Variants in ARSB observed in about 807,000 individuals in gnomAD.
ARSB encodes N-acetylgalactosamine-4-sulfatase.
In ARSB, 41 loss-of-function variants were observed where a neutral mutation model predicts 50.9. The observed-to-expected ratio is 0.81, with a 90% confidence interval of 0.63 to 1.04. The LOEUF is 1.04. Ranked by LOEUF, ARSB falls within the 50% of genes least tolerant of loss-of-function variation. The probability of loss-of-function intolerance (pLI) is 0.00; values close to 1 mark genes in which losing one functional copy is unlikely to be tolerated. For missense variants in ARSB, 672 were observed against 693.3 expected, an observed-to-expected ratio of 0.97 and a Z score of 0.35; for synonymous variants, 269 against 284.8, an observed-to-expected ratio of 0.94 and a Z score of 0.56.
At chr5:78,863,787 T>A (rs922631355) in intron 5 of ARSB, among the ~76,000 whole-genome samples, 1 of 151,998 alleles carries the variant, frequency 6.6e-6, no homozygotes, top group Non-Finnish European at 1.5e-5. Context: ...AGTCACTTCA[T>A]AGTCTTTGCA....
intron 5 of ARSB, among the ~76,000 whole-genome samples, chr5:78,866,810 C>T (rs1163554258): frequency 6.6e-6 from 1 of 151,860 alleles, no homozygotes; most frequent in East Asian, 1.9e-4. Flanking sequence ...AAGAAAGGGG[C>T]TGAGCCAAGA....
At chr5:78,939,477 C>T (rs1362009829) in intron 4 of ARSB, among the ~76,000 whole-genome samples, 1 of 152,092 alleles carries the variant, frequency 6.6e-6, no homozygotes, top group African/African-American at 2.4e-5. Flanking sequence ...GTTTCCCTTC[C>T]TGTGTCCATG....
intron 4 of ARSB, among the ~76,000 whole-genome samples, chr5:78,908,273 C>T (rs537411488): frequency 3.3e-5 from 5 of 152,230 alleles, no homozygotes; most frequent in African/African-American, 1.2e-4. Flanking sequence ...TCCTCTGACC[C>T]CCCTCCCCCG....
At chr5:78,844,829 T>A (rs534095466) in intron 5 of ARSB, among the ~76,000 whole-genome samples, 1 of 152,282 alleles carries the variant, frequency 6.6e-6, no homozygotes, top group Admixed American at 6.5e-5. Context: ...TAATGATAAG[T>A]CAGTGTAATT....
At chr5:78,785,078 G>A (rs148880628) in intron 6 of ARSB, among the ~76,000 whole-genome samples, 1,850 of 152,250 alleles carry the variant, frequency 0.012, 37 homozygotes, top group African/African-American at 0.033. Context: ...GATTACAGGC[G>A]TGAGTCACCG....
At chr5:78,919,483 T>A (rs1749703631) in intron 4 of ARSB, among the ~76,000 whole-genome samples, 1 of 151,812 alleles carries the variant, frequency 6.6e-6, no homozygotes, top group Admixed American at 6.6e-5. Context: ...ATTCATTTAT[T>A]CATTTATTTA....
intron 4 of ARSB, among the ~76,000 whole-genome samples, chr5:78,902,295 A>ATT (rs1235847079): frequency 8.5e-5 from 13 of 152,376 alleles, no homozygotes; most frequent in African/African-American, 2.9e-4. Context: ...GGTTTCCAAC[A>ATT]CATGAACTTT....
At chr5:78,977,811 T>C (rs577824240) in intron 1 of ARSB, among the ~76,000 whole-genome samples, 1 of 152,142 alleles carries the variant, frequency 6.6e-6, no homozygotes, top group Non-Finnish European at 1.5e-5. Flanking sequence ...TAAAAAACTC[T>C]AAAGATTATA....
intron 6 of ARSB, among the ~76,000 whole-genome samples, chr5:78,785,900 T>A (rs1279750303): frequency 6.6e-6 from 1 of 152,226 alleles, no homozygotes; most frequent in African/African-American, 2.4e-5. Context: ...GAGATGTGGC[T>A]GCAGAAGAAG....
At chr5:78,785,334 G>A (rs1749048398) in intron 6 of ARSB, among the ~76,000 whole-genome samples, 1 of 152,146 alleles carries the variant, frequency 6.6e-6, no homozygotes, top group Non-Finnish European at 1.5e-5. Context: ...GTAGTCTGAA[G>A]TTGTTGGGCT....
chr5:78,968,942 G>C, intron 2 of ARSB, 64 bp downstream of exon 2: 1 of 1,549,944 alleles, frequency 6.5e-7, no homozygotes, highest in South Asian at 1.1e-5. Flanking sequence ...TTGCACTTGG[G>C]TGTGTTTTAT....
At chr5:78,825,781 A>T (rs969031208) in intron 6 of ARSB, among the ~76,000 whole-genome samples, 1 of 152,194 alleles carries the variant, frequency 6.6e-6, no homozygotes, top group African/African-American at 2.4e-5. Flanking sequence ...TTACAAAATG[A>T]TGTAAAAGAA....
At chr5:78,790,670 T>C (rs1310969836) in intron 6 of ARSB, among the ~76,000 whole-genome samples, 3 of 152,224 alleles carry the variant, frequency 2.0e-5, no homozygotes, top group Non-Finnish European at 4.4e-5. Flanking sequence ...ATGAAACAGA[T>C]ATTAACATCT....
At chr5:78,790,223 A>C (rs937151178) in intron 6 of ARSB, among the ~76,000 whole-genome samples, 1 of 152,204 alleles carries the variant, frequency 6.6e-6, no homozygotes, top group Non-Finnish European at 1.5e-5. Flanking sequence ...CATAGTACAC[A>C]GTAGCATAGA....
intron 6 of ARSB, among the ~76,000 whole-genome samples, chr5:78,833,213 G>T (rs1224913998): frequency 2.0e-5 from 3 of 151,986 alleles, no homozygotes; most frequent in Non-Finnish European, 2.9e-5. Context: ...GCCTACCCTG[G>T]GATTATGGCT....
intron 5 of ARSB, among the ~76,000 whole-genome samples, chr5:78,851,425 C>G (rs193275493): frequency 6.6e-6 from 1 of 152,068 alleles, no homozygotes. Context: ...GTCTGAGAGA[C>G]AGTTTGTTAT....
In ARSB at chr5:78,779,758, G is replaced by A. The variant is rs1748871584; in HGVS notation, c.*639C>T. 1 of 154,154 alleles carries A rather than the reference G, an allele frequency of 6.5e-6. No homozygotes were observed. Among genetic ancestry groups the A allele is most frequent in the Non-Finnish European group, 1.4e-5 (1 of 69,524 alleles). 9.5% of individuals were successfully genotyped at this position (154,154 alleles called of 1,614,324 possible). On this transcript the variant is annotated 3_prime_UTR_variant, in exon 8 of 8. Transcript: ENST00000264914. ...AGGAAGTCTAGACAGAGTGAGCAAT[G>A]GCTGGGGGGAAATAAATTACGATAA... is the stretch of plus-strand genomic sequence containing the variant.
intron 4 of ARSB, among the ~76,000 whole-genome samples, chr5:78,944,345 A>G (rs1478973889): frequency 6.6e-6 from 1 of 152,104 alleles, no homozygotes; most frequent in African/African-American, 2.4e-5. Flanking sequence ...TTGGAGGAGG[A>G]GAGGCACTCT....
chr5:78,865,715 A>C (rs58675883), intron 5 of ARSB, among the ~76,000 whole-genome samples: 8,195 of 152,220 alleles, frequency 0.054, 506 homozygotes, highest in African/African-American at 0.15. Flanking sequence ...ACAGAACCCA[A>C]ATAACCTCTT....
Sources: allele counts gnomAD v4.1 joint callset (sites outside exome capture counted in the v4.1 genomes callset), GRCh38; gene constraint gnomAD v4.1.1; transcripts MANE v1.5; gene names NCBI Gene and HGNC (gene_info 2026-07-23, HGNC 2026-07-21).